The following MOV10L1 variants were observed in gnomAD, a reference collection of about 807,000 sequenced individuals.
MOV10L1 encodes the protein Mov10 like RNA helicase 1, also known as RNA helicase Mov10l1.
A neutral mutation model predicts 143.8 loss-of-function variants in MOV10L1; 110 were observed. That is an observed-to-expected ratio of 0.76 (90% CI 0.66 to 0.90). MOV10L1 has a LOEUF of 0.90. MOV10L1 is among the 40% of genes least tolerant of loss of function. The pLI, the probability that MOV10L1 is intolerant of heterozygous loss-of-function variation, is 0.00. For synonymous variants in MOV10L1, 593 were observed against 581.1 expected, an observed-to-expected ratio of 1.02 and a Z score of -0.29; for missense variants, 1,406 against 1,526.8, an observed-to-expected ratio of 0.92 and a Z score of 1.32.
chr22:50,115,931 G>C lies in MOV10L1; in HGVS notation c.1259+685G>C, dbSNP rs533425881. ...GGCAGGAAGGGCCCCTTCCTAGCTG[G>C]GATGCCAGACGCCAACCTTGAGCCC... On this transcript the variant is annotated intron_variant, in intron 8 of 26. Coordinates refer to ENST00000262794, the MANE Select transcript of MOV10L1 (RefSeq NM_018995.3). 2.0e-5 allele frequency among the ~76,000 whole-genome samples: 3 copies of C among 152,332 alleles called. No homozygotes were observed. The East Asian group carries it at 5.8e-4, about 29-fold the overall frequency.
In MOV10L1 at chr22:50,137,781, C is replaced by T. The variant is rs186514987; in HGVS notation, c.2070+3151C>T. Among the ~76,000 whole-genome samples, 258 of 90,554 alleles carry T rather than the reference C, an allele frequency of 2.8e-3. 2 individuals carry two copies. The highest frequency in any genetic ancestry group is 8.2e-3 in the East Asian group (23 of 2,800). 59.4% of individuals were successfully genotyped at this position (90,554 alleles called of 152,430 possible). A position where few individuals can be genotyped will look rare whatever the true frequency, so the allele number is the denominator to read the frequency against. On this transcript the variant is annotated intron_variant, in intron 15 of 26. Transcript: ENST00000262794. ...TAAATATACATATTTTATATATATACATATATAAATATACATATTTTATAT... is the reference window on the plus strand; with the variant it reads ...TAAATATACATATTTTATATATATATATATATAAATATACATATTTTATAT...
At position 50,152,801 on chromosome 22, in the gene MOV10L1, G is replaced by A. The variant is rs951327624; in HGVS notation, c.2893-244G>A. Among the ~76,000 whole-genome samples, 1 of 152,158 alleles carries A rather than the reference G, an allele frequency of 6.6e-6. No individual in the cohort carries two copies. The highest frequency in any genetic ancestry group is 2.4e-5 in the African/African-American group (1 of 41,436). On this transcript the variant is annotated intron_variant, in intron 21 of 26. Coordinates refer to ENST00000262794, the MANE Select transcript of MOV10L1 (RefSeq NM_018995.3). This position sits in a 1 kb window ranked among gnomAD's most constrained non-coding sequence, Gnocchi z 4.4. ...TCAGCGGCACCCAGACCCAGGAGAG[G>A]AACAGAGGGCAGCCGTCACACCCTT...
intron 2 of MOV10L1, among the ~76,000 whole-genome samples, chr22:50,097,758 A>G (rs1378260963): frequency 6.6e-6 from 1 of 152,148 alleles, no homozygotes; most frequent in East Asian, 1.9e-4. Flanking sequence ...TTCCATTAGA[A>G]TTTTAGATGA....
At chr22:50,122,535 C>T (rs889500994) in intron 10 of MOV10L1, among the ~76,000 whole-genome samples, 5 of 152,126 alleles carry the variant, frequency 3.3e-5, no homozygotes, top group Non-Finnish European at 7.4e-5. Flanking sequence ...AGATGCCTTT[C>T]ATTTCCTTTT....
At chr22:50,102,767 G>T (rs2061777716) in intron 3 of MOV10L1, among the ~76,000 whole-genome samples, 1 of 152,110 alleles carries the variant, frequency 6.6e-6, no homozygotes, top group Non-Finnish European at 1.5e-5. Flanking sequence ...TGGGCGTGGT[G>T]GTGCATGCCT....
intron 11 of MOV10L1, 36 bp from the exon 12 acceptor site, chr22:50,126,166 G>A: frequency 6.9e-7 from 1 of 1,453,724 alleles, no homozygotes; most frequent in East Asian, 2.3e-5. Flanking sequence ...GTGATTTTGT[G>A]TTAGCTTTAA....
intron 21 of MOV10L1, among the ~76,000 whole-genome samples, chr22:50,151,385 C>T (rs1297540864): frequency 6.6e-6 from 1 of 152,240 alleles, no homozygotes; most frequent in Non-Finnish European, 1.5e-5. Flanking sequence ...TTGTAAGCCC[C>T]TGTAGCCCAC....
rs892132223 is a variant in MOV10L1, at chr22:50,146,878, A to AT, written c.2627+1076dup. On this transcript the variant is annotated intron_variant, in intron 19 of 26. Transcript: ENST00000262794. ...GAACGTGATTGATGAGACACTTTACATTTTTTTTGGTTCAAGTCTTCAAAA... is the reference window on the plus strand; with the variant it reads ...GAACGTGATTGATGAGACACTTTACATTTTTTTTTGGTTCAAGTCTTCAAAA... The AT allele has an allele frequency of 1.1e-3, 659 of 585,672 alleles. 4 individuals carry two copies. The highest frequency in any genetic ancestry group is 1.2e-3 in the South Asian group (62 of 50,692). 36.3% of individuals were successfully genotyped at this position (585,672 alleles called of 1,614,324 possible). A position where few individuals can be genotyped will look rare whatever the true frequency, so the allele number is the denominator to read the frequency against.
In MOV10L1 at chr22:50,158,305, C is replaced by A; in HGVS notation, c.3216+99C>A. ...GAGGCAGGAACAAGCTCCTTGTGAG[C>A]AGCAGCAGGTTTTTAAAGGGGCAGG... On this transcript the variant is annotated intron_variant, in intron 23 of 26. Transcript: ENST00000262794. The surrounding 1 kb of genome is among the most constrained non-coding windows in gnomAD (Gnocchi z 5.0). 2 of 1,460,506 alleles carry A rather than the reference C, an allele frequency of 1.4e-6. No homozygotes were observed. Among genetic ancestry groups the A allele is most frequent in the Non-Finnish European group, 1.9e-6 (2 of 1,073,826 alleles). 90.5% of individuals were successfully genotyped at this position (1,460,506 alleles called of 1,614,324 possible). A position where few individuals can be genotyped will look rare whatever the true frequency, so the allele number is the denominator to read the frequency against.
chr22:50,090,619 C>G (rs1602091998), intron 1 of MOV10L1: 3 of 1,420,840 alleles, frequency 2.1e-6, no homozygotes, highest in Non-Finnish European at 9.7e-7. Context: ...TCAAGCCCAT[C>G]TTTCTAAAGC....
At chr22:50,094,203 T>C (rs2062528906) in intron 2 of MOV10L1, 1 of 152,246 alleles carries the variant, frequency 6.6e-6, no homozygotes, top group Non-Finnish European at 1.5e-5. Flanking sequence ...TTGGGTCATA[T>C]GGAGTCTTTT....
rs1020861705 is a variant in MOV10L1, at chr22:50,150,235, T to G, written c.2728-500T>G. On this transcript the variant is annotated intron_variant, in intron 20 of 26. Coordinates refer to ENST00000262794, the MANE Select transcript of MOV10L1 (RefSeq NM_018995.3). ...AGCACTGGACATTTCAGGGTCCTCC[T>G]TGGCACCCATCCTAGATGTCTGTCC... Among the ~76,000 whole-genome samples the G allele has an allele frequency of 2.6e-5, 4 of 152,316 alleles. No homozygotes were observed. The East Asian group carries it at 7.7e-4, about 29-fold the overall frequency.
At chr22:50,112,647 G>C (rs747951156) in intron 5 of MOV10L1, among the ~76,000 whole-genome samples, 7 of 152,210 alleles carry the variant, frequency 4.6e-5, no homozygotes, top group Non-Finnish European at 8.8e-5. Flanking sequence ...GGGAAGCTGG[G>C]GTGCCTGTTC....
At chr22:50,106,699 CTTTTTTT>C (rs71198216) in intron 3 of MOV10L1, among the ~76,000 whole-genome samples, 3 of 120,706 alleles carry the variant, frequency 2.5e-5, no homozygotes, top group African/African-American at 3.1e-5. Context: ...AGGACATGGT[CTTTTTTT>C]TTTTTTTTTT....
At chr22:50,139,537 C>T (rs1357651094) in intron 15 of MOV10L1, among the ~76,000 whole-genome samples, 7 of 150,822 alleles carry the variant, frequency 4.6e-5, no homozygotes, top group African/African-American at 1.5e-4. Flanking sequence ...CATAGAAAAA[C>T]TCTGTCTCAA....
intron 24 of MOV10L1, 63 bp from the exon 25 acceptor site, chr22:50,160,625 G>T (rs2063534528): frequency 5.8e-6 from 9 of 1,547,776 alleles, no homozygotes; most frequent in Non-Finnish European, 7.9e-6. Context: ...TATATCAAGA[G>T]TTTCTCTTCA....
intron 10 of MOV10L1, among the ~76,000 whole-genome samples, 184 bp downstream of exon 10, chr22:50,120,800 A>G (rs529715397): frequency 3.0e-4 from 46 of 152,228 alleles, no homozygotes; most frequent in Admixed American, 2.0e-3. Flanking sequence ...TCACGCTGCC[A>G]GACCTGCTGT....
rs745323187 is a variant in MOV10L1 at position 50,113,650 on chromosome 22, A to G, written c.746A>G (p.Asp249Gly). Residue 249 changes from aspartate (D) to glycine (G), a missense_variant and splice_region_variant, in exon 6 of 27, where the codon GAC (aspartate) becomes GGC (glycine). Coordinates refer to ENST00000262794, the MANE Select transcript of MOV10L1 (RefSeq NM_018995.3). ...TCTTTCTGGGGCTCTTTTTTCAGAG[A>G]CGCCGCCCCTGTTCATGAGGCCACT... ...ALCMTLVKRR[D>G]AAPVHEATHF... The G allele has an allele frequency of 3.7e-6, 6 of 1,611,806 alleles. No individual in the cohort carries two copies. In the South Asian group the frequency reaches 5.5e-5, roughly 15 times the overall value.
intron 19 of MOV10L1, among the ~76,000 whole-genome samples, chr22:50,147,968 C>T (rs1035662108): frequency 6.6e-6 from 1 of 152,224 alleles, no homozygotes; most frequent in African/African-American, 2.4e-5. Flanking sequence ...ATGTTGGGCC[C>T]AGCACTGCTG....
Sources: gnomAD v4.1 joint callset for allele counts (sites outside exome capture counted in the v4.1 genomes callset) on GRCh38, gnomAD v4.1.1 for gene constraint, Gnocchi (gnomAD v3.1) non-coding constraint, MANE v1.5 for transcripts, NCBI Gene and HGNC (gene_info 2026-07-23, HGNC 2026-07-21) for gene names.